The following TAFA2 variants were observed in gnomAD, a reference collection of about 807,000 sequenced individuals.
TAFA2 encodes the protein TAFA chemokine like family member 2.
A neutral mutation model predicts 18.8 loss-of-function variants in TAFA2; 7 were observed. The observed-to-expected ratio is 0.37, with a 90% CI of 0.21 to 0.70. TAFA2 has a LOEUF of 0.70. Among genes scored for constraint, TAFA2 ranks in the 30% least tolerant of loss-of-function variants. The pLI, the probability that TAFA2 is intolerant of heterozygous loss-of-function variation, is 0.53. For missense variants in TAFA2, 122 were observed against 158.1 expected (o/e 0.77, Z 1.23); for synonymous variants, 60 against 54.2 (o/e 1.11, Z -0.47).
At chr12:62,030,047 C>T (rs1381079610) in intron 1 of TAFA2, among the ~76,000 whole-genome samples, 1 of 152,156 alleles carries the variant, frequency 6.6e-6, no homozygotes, top group Non-Finnish European at 1.5e-5. Flanking sequence ...ACAACTACCT[C>T]TTCCATGAAG....
At chr12:62,024,073 A>G (rs1045886392) in intron 1 of TAFA2, among the ~76,000 whole-genome samples, 1 of 152,008 alleles carries the variant, frequency 6.6e-6, no homozygotes, top group Non-Finnish European at 1.5e-5. Context: ...CTTTGTTCCT[A>G]TTTCTCTTGC....
chr12:62,052,392 A>G (rs1388037237), intron 1 of TAFA2, among the ~76,000 whole-genome samples: 1 of 151,970 alleles, frequency 6.6e-6, no homozygotes, highest in African/African-American at 2.4e-5. Context: ...GAGTCTCACT[A>G]TGTTCCCCAG....
intron 2 of TAFA2, among the ~76,000 whole-genome samples, chr12:61,826,006 G>A (rs1445375876): frequency 6.6e-6 from 1 of 152,008 alleles, no homozygotes; most frequent in Non-Finnish European, 1.5e-5. Flanking sequence ...TATATCCTTT[G>A]AGCAATTTTC....
chr12:62,194,824 G>A (rs1468978907), upstream of TAFA2, among the ~76,000 whole-genome samples: 2 of 152,132 alleles, frequency 1.3e-5, no homozygotes, highest in Non-Finnish European at 2.9e-5. Context: ...AATAAAGTGA[G>A]TCACACAATT....
chr12:61,811,098 A>C (rs1871849221), intron 2 of TAFA2, among the ~76,000 whole-genome samples: 2 of 151,394 alleles, frequency 1.3e-5, no homozygotes, highest in Admixed American at 6.6e-5. Context: ...CTAAATAAAA[A>C]TAAGCGTTCC....
At chr12:62,044,161 T>G (rs1449564035) in intron 1 of TAFA2, among the ~76,000 whole-genome samples, 1 of 152,128 alleles carries the variant, frequency 6.6e-6, no homozygotes, top group Non-Finnish European at 1.5e-5. Flanking sequence ...AAAAAGTATT[T>G]TTTTAAGATA....
rs544099028 is a variant in TAFA2, at chr12:61,745,349, A to C, written c.384+8273T>G. The stretch of plus-strand genomic sequence containing the variant: ...TAACCTTAATTCTACCACTTGCCCT[A>C]GTTCACTCCACTCCAGCCACAAGCA... On this transcript the variant is annotated intron_variant, in intron 4 of 4. Coordinates refer to ENST00000416284, the MANE Select transcript of TAFA2 (RefSeq NM_178539.5). Among the ~76,000 whole-genome samples the C allele has an allele frequency of 4.6e-5, 7 of 152,180 alleles. No homozygotes were observed. The South Asian group carries it at 1.5e-3, about 32-fold the overall frequency.
chr12:61,905,817 T>C (rs1246694955), intron 1 of TAFA2, among the ~76,000 whole-genome samples: 1 of 152,164 alleles, frequency 6.6e-6, no homozygotes, highest in Non-Finnish European at 1.5e-5. Context: ...CTCATTTTAT[T>C]AAATCCCCTA....
intron 1 of TAFA2, among the ~76,000 whole-genome samples, chr12:62,183,720 A>T (rs997634704): frequency 6.6e-6 from 1 of 152,206 alleles, no homozygotes; most frequent in Non-Finnish European, 1.5e-5. Flanking sequence ...GCTCAAACTG[A>T]CTAAGACAGT....
intron 2 of TAFA2, among the ~76,000 whole-genome samples, chr12:61,849,518 G>A (rs1873554142): frequency 1.3e-5 from 2 of 152,132 alleles, no homozygotes; most frequent in Admixed American, 6.5e-5. Flanking sequence ...ATCATGGCTA[G>A]ACTTAAATCA....
chr12:62,175,611 G>T (rs1202996830), intron 1 of TAFA2, among the ~76,000 whole-genome samples: 1 of 151,812 alleles, frequency 6.6e-6, no homozygotes, highest in Non-Finnish European at 1.5e-5. Context: ...AAATACAACT[G>T]CCCTATCATC....
At chr12:62,182,511 T>C (rs1050422385) in intron 1 of TAFA2, among the ~76,000 whole-genome samples, 1 of 152,184 alleles carries the variant, frequency 6.6e-6, no homozygotes, top group South Asian at 2.1e-4. Context: ...GGGCCAACAG[T>C]ATTCAGCTGG....
intron 1 of TAFA2, among the ~76,000 whole-genome samples, chr12:62,207,904 G>C (rs76028660): frequency 0.01 from 1,534 of 152,246 alleles, 21 homozygotes; most frequent in African/African-American, 0.03. Flanking sequence ...CCTGTGGTAA[G>C]TCAGGTAACT....
At chr12:62,254,512 C>T (rs1387769874) in intron 1 of TAFA2, among the ~76,000 whole-genome samples, 1 of 152,110 alleles carries the variant, frequency 6.6e-6, no homozygotes, top group East Asian at 1.9e-4. Flanking sequence ...TCATGAATTT[C>T]TCATGCTGTA....
intron 2 of TAFA2, among the ~76,000 whole-genome samples, chr12:61,861,997 C>A (rs1874150785): frequency 6.6e-6 from 1 of 152,058 alleles, no homozygotes; most frequent in African/African-American, 2.4e-5. Flanking sequence ...TATAACTCAC[C>A]TGTGTGTATC....
chr12:62,047,257 G>A lies in TAFA2; in HGVS notation c.-2+144002C>T, dbSNP rs546332452. The stretch of plus-strand genomic sequence containing the variant: ...AAGAAAGAAGAGCAAACAAAGGAAG[G>A]CTAGGTCGCAGAAAGCCTGGAGTTT... On this transcript the variant is annotated intron_variant, in intron 1 of 4. Transcript: ENST00000416284. Among the ~76,000 whole-genome samples, 3 of 152,154 alleles carry A rather than the reference G, an allele frequency of 2.0e-5. No homozygotes were observed. The South Asian group carries it at 6.2e-4, about 32-fold the overall frequency.
At chr12:61,712,496 C>T (rs1869460138) in intron 4 of TAFA2, among the ~76,000 whole-genome samples, 1 of 152,070 alleles carries the variant, frequency 6.6e-6, no homozygotes, top group African/African-American at 2.4e-5. Context: ...TATATACACA[C>T]ACATAAACAT....
intron 1 of TAFA2, among the ~76,000 whole-genome samples, chr12:62,123,141 C>T (rs1020138084): frequency 6.6e-5 from 10 of 152,112 alleles, no homozygotes; most frequent in East Asian, 1.9e-4. Context: ...CTTATATACT[C>T]AGCCACATTT....
intron 1 of TAFA2, among the ~76,000 whole-genome samples, chr12:61,961,382 G>A (rs1456025016): frequency 1.3e-5 from 2 of 151,880 alleles, no homozygotes; most frequent in Non-Finnish European, 2.9e-5. Context: ...GGTACTATAT[G>A]CCCAAGTCTT....
Sources: allele counts gnomAD v4.1 joint callset (sites outside exome capture counted in the v4.1 genomes callset), GRCh38; gene constraint gnomAD v4.1.1; transcripts MANE v1.5; gene names NCBI Gene and HGNC (gene_info 2026-07-23, HGNC 2026-07-21).